The following STXBP5L variants were observed in gnomAD, a reference collection of about 807,000 sequenced individuals.
STXBP5L encodes the protein syntaxin-binding protein 5-like.
STXBP5L carries 65 observed loss-of-function variants against 144.5 expected under a neutral mutation model. That is an observed-to-expected ratio of 0.45 (90% CI 0.37 to 0.55). The LOEUF (loss-of-function observed/expected upper bound fraction) is 0.55, where lower values mean the gene tolerates loss of function less well. Ranked by LOEUF, STXBP5L falls within the 20% of genes least tolerant of loss-of-function variation. The pLI, the probability that STXBP5L is intolerant of heterozygous loss-of-function variation, is 0.00. For missense variants in STXBP5L, 1,298 were observed against 1,405.5 expected, an observed-to-expected ratio of 0.92 and a Z score of 1.22; for synonymous variants, 505 against 469.6, an observed-to-expected ratio of 1.08 and a Z score of -0.97.
At chr3:121,230,041 A>T (rs1425159889) in intron 11 of STXBP5L, among the ~76,000 whole-genome samples, 2 of 152,218 alleles carry the variant, frequency 1.3e-5, no homozygotes, top group Admixed American at 6.5e-5. Context: ...TTAATGAGTC[A>T]TCTATTATTT....
At chr3:121,024,083 T>C (rs2107470801) in intron 3 of STXBP5L, among the ~76,000 whole-genome samples, 1 of 151,962 alleles carries the variant, frequency 6.6e-6, no homozygotes, top group East Asian at 1.9e-4. Flanking sequence ...AAACAAAAAA[T>C]GAAAAATAAA....
intron 9 of STXBP5L, among the ~76,000 whole-genome samples, chr3:121,177,260 T>G (rs911740830): frequency 6.6e-6 from 1 of 152,068 alleles, no homozygotes; most frequent in African/African-American, 2.4e-5. Flanking sequence ...ATTCACCTAC[T>G]AAAATAAAAA....
Position 121,412,727 on chromosome 3 carries a change from CAAAAAAA to C in STXBP5L, c.2949-415_2949-409del, listed in dbSNP as rs35247157. 6.0e-4 allele frequency among the ~76,000 whole-genome samples: 42 copies of C among 69,612 alleles called. 1 individual carries two copies. The East Asian group carries it at 7.4e-3, about 12-fold the overall frequency. 45.7% of individuals were successfully genotyped at this position (69,612 alleles called of 152,430 possible). On this transcript the variant is annotated intron_variant, in intron 23 of 26. Transcript: ENST00000471454. ...ATGAAAATAAAGTTGTTTCTCCCTC[CAAAAAAA>C]AAAAAAAAAAAAAAACAAAAGAAAA... is the stretch of plus-strand genomic sequence containing the variant.
chr3:121,109,278 T>C (rs1435946739), intron 5 of STXBP5L, among the ~76,000 whole-genome samples: 1 of 152,190 alleles, frequency 6.6e-6, no homozygotes, highest in Non-Finnish European at 1.5e-5. Flanking sequence ...TTCTGCTATC[T>C]TTGGGGTTTG....
chr3:121,369,779 T>C (rs767696774), intron 20 of STXBP5L, among the ~76,000 whole-genome samples: 14 of 152,192 alleles, frequency 9.2e-5, no homozygotes, highest in Non-Finnish European at 1.9e-4. Flanking sequence ...ATAGTTTCAT[T>C]CATTTTGATG....
chr3:121,388,178 T>C (rs947573084), intron 22 of STXBP5L, among the ~76,000 whole-genome samples: 5 of 150,048 alleles, frequency 3.3e-5, no homozygotes, highest in Admixed American at 6.6e-5. Flanking sequence ...GGGAGTTCAC[T>C]CATGATTTGG....
At chr3:121,063,466 T>C (rs1055467321) in intron 5 of STXBP5L, among the ~76,000 whole-genome samples, 1 of 152,138 alleles carries the variant, frequency 6.6e-6, no homozygotes, top group African/African-American at 2.4e-5. Flanking sequence ...AGTCAGGAGT[T>C]ATGGGGGTTA....
intron 3 of STXBP5L, among the ~76,000 whole-genome samples, chr3:120,992,625 C>G (rs902523900): frequency 1.3e-5 from 2 of 151,996 alleles, no homozygotes; most frequent in Non-Finnish European, 2.9e-5. Context: ...CTGCAAATGA[C>G]AGGATTTTAT....
chr3:121,181,416 A>G (rs918831766), intron 9 of STXBP5L, among the ~76,000 whole-genome samples: 3 of 152,136 alleles, frequency 2.0e-5, no homozygotes, highest in Non-Finnish European at 4.4e-5. Context: ...CACTTAAAAG[A>G]TACAAAATGG....
At chr3:121,401,609 T>C (rs902087314) in intron 22 of STXBP5L, among the ~76,000 whole-genome samples, 7 of 131,934 alleles carry the variant, frequency 5.3e-5, no homozygotes, top group South Asian at 2.8e-4. Context: ...ATGGATGAAA[T>C]TGGAAACCAT....
intron 20 of STXBP5L, among the ~76,000 whole-genome samples, chr3:121,343,519 C>T (rs902567474): frequency 4.6e-5 from 7 of 152,126 alleles, no homozygotes; most frequent in Non-Finnish European, 8.8e-5. Context: ...AGCCCAAAAT[C>T]TCCTTAAGCT....
intron 7 of STXBP5L, among the ~76,000 whole-genome samples, chr3:121,130,722 A>G (rs935324810): frequency 2.6e-5 from 4 of 152,310 alleles, no homozygotes; most frequent in Non-Finnish European, 4.4e-5. Context: ...TATGCATTTC[A>G]TATGAATAAT....
At chr3:121,206,037 A>G (rs1031410298) in intron 10 of STXBP5L, 36 bp downstream of exon 10, 5 of 1,295,258 alleles carry the variant, frequency 3.9e-6, no homozygotes, top group Non-Finnish European at 5.2e-6. Context: ...AGGGATACGA[A>G]GCAGAGACAA....
intron 23 of STXBP5L, 51 bp from the exon 24 acceptor site, chr3:121,413,107 C>A: frequency 7.6e-7 from 1 of 1,313,526 alleles, no homozygotes; most frequent in African/African-American, 1.5e-5. Context: ...ATGTAAATAT[C>A]TGCTTCTAAC....
chr3:121,196,778 T>G (rs1253538915), intron 9 of STXBP5L, among the ~76,000 whole-genome samples: 1 of 152,018 alleles, frequency 6.6e-6, no homozygotes, highest in African/African-American at 2.4e-5. Flanking sequence ...CAAGTGATCC[T>G]CCCACCCGAG....
At chr3:121,081,102 C>A (rs921064795) in intron 5 of STXBP5L, among the ~76,000 whole-genome samples, 8 of 151,120 alleles carry the variant, frequency 5.3e-5, no homozygotes, top group African/African-American at 1.9e-4. Flanking sequence ...AATGCCTTGT[C>A]TCTGACCTCT....
chr3:121,064,730 T>A (rs185276093), intron 5 of STXBP5L, among the ~76,000 whole-genome samples: 217 of 152,326 alleles, frequency 1.4e-3, no homozygotes, highest in African/African-American at 4.7e-3. Flanking sequence ...TTTGATTTTT[T>A]AAAAAATGTC....
intron 7 of STXBP5L, among the ~76,000 whole-genome samples, chr3:121,133,468 G>C (rs1314435740): frequency 2.0e-5 from 3 of 152,028 alleles, no homozygotes; most frequent in Admixed American, 6.6e-5. Flanking sequence ...GAAAGGAGTG[G>C]TGCAATATAT....
chr3:121,053,849 G>A (rs1463726204), intron 5 of STXBP5L, among the ~76,000 whole-genome samples: 1 of 151,682 alleles, frequency 6.6e-6, no homozygotes, highest in Non-Finnish European at 1.5e-5. Flanking sequence ...TCTGACAAAG[G>A]GCTAATATCC....
Sources: gnomAD v4.1 joint callset for allele counts (sites outside exome capture counted in the v4.1 genomes callset) on GRCh38, gnomAD v4.1.1 for gene constraint, MANE v1.5 for transcripts, NCBI Gene and HGNC (gene_info 2026-07-23, HGNC 2026-07-21) for gene names.